CAPN5: variants seen among roughly 807,000 people sequenced by gnomAD.
CAPN5 encodes the protein calpain 5, also known as calpain-5.
A neutral mutation model predicts 73.0 loss-of-function variants in CAPN5; 54 were observed. The ratio of observed to expected loss-of-function variants is 0.74; its 90% CI spans 0.59 to 0.93. The LOEUF (loss-of-function observed/expected upper bound fraction) is 0.93, where lower values mean the gene tolerates loss of function less well. Among genes scored for constraint, CAPN5 ranks in the 40% least tolerant of loss-of-function variants. The pLI is 0.00. For missense variants in CAPN5, 785 were observed against 882.9 expected, an observed-to-expected ratio of 0.89 and a Z score of 1.41; for synonymous variants, 335 against 356.9, an observed-to-expected ratio of 0.94 and a Z score of 0.69.
chr11:77,097,464 G>GTTTTTT lies in CAPN5; in HGVS notation c.297+3671_297+3676dup, dbSNP rs58077755. On this transcript the variant is annotated intron_variant, in intron 3 of 12. Coordinates refer to ENST00000648180, the MANE Select transcript of CAPN5 (RefSeq NM_004055.5). ...AAGGGGTTTCCTGTGTTTCCTTCTA[G>GTTTTTT]TTTTTTTTTTTTTTTTTTTTTTTTT... Among the ~76,000 whole-genome samples, 751 of 79,602 alleles carry GTTTTTT rather than the reference G, an allele frequency of 9.4e-3. 8 individuals are homozygous for GTTTTTT. The highest frequency in any genetic ancestry group is 0.012 in the Non-Finnish European group (522 of 42,674). The allele number at this position is 79,602 out of a possible 152,430, so 52.2% of individuals were successfully genotyped here.
chr11:77,073,450 C>T (rs1949932580), intron 1 of CAPN5, among the ~76,000 whole-genome samples: 1 of 152,218 alleles, frequency 6.6e-6, no homozygotes, highest in African/African-American at 2.4e-5. Context: ...CTGGGCGGGA[C>T]CCAATTGCCA....
chr11:77,108,963 A>G (rs534055482), intron 3 of CAPN5, among the ~76,000 whole-genome samples: 1 of 152,210 alleles, frequency 6.6e-6, no homozygotes, highest in South Asian at 2.1e-4. Flanking sequence ...TTTGTCCTGT[A>G]GGGTTTCCCA....
Position 77,118,258 on chromosome 11 carries a change from G to A in CAPN5, c.1073G>A (p.Arg358Gln), listed in dbSNP as rs781886455. 98 of 1,613,970 alleles carry A rather than the reference G, an allele frequency of 6.1e-5. No individual in the cohort carries two copies. The highest frequency in any genetic ancestry group is 1.6e-4 in the Middle Eastern group (1 of 6,084). ...LSIHKTWEEA[R>Q]LHGAWTLHED... ...ATCCACAAGACGTGGGAGGAGGCCC[G>A]GCTGCATGGCGCCTGGACGCTGCAT... Residue 358 changes from arginine to glutamine, a missense_variant, in exon 8 of 13, where the codon CGG becomes CAG. By Grantham distance (43) the Arg-to-Gln change is conservative. Transcript: ENST00000648180.
chr11:77,079,590 T>C (rs1950008733), intron 1 of CAPN5, among the ~76,000 whole-genome samples: 1 of 152,236 alleles, frequency 6.6e-6, no homozygotes, highest in Admixed American at 6.5e-5. Flanking sequence ...ACTATTGCAA[T>C]AGACATTCTT....
intron 3 of CAPN5, among the ~76,000 whole-genome samples, chr11:77,100,038 C>T (rs934543552): frequency 6.6e-5 from 10 of 152,016 alleles, no homozygotes; most frequent in African/African-American, 1.2e-4. Context: ...GGTTTCACCA[C>T]GTTGGCCAGG....
In CAPN5 at chr11:77,113,740, G is replaced by A. The variant is rs184973137; in HGVS notation, c.507-502G>A. On this transcript the variant is annotated intron_variant, in intron 4 of 12. Transcript: ENST00000648180. ...AGTCTCCACCACCTGGATGCAGGTC[G>A]ACCCAGTGGCCTTGGTTGTTTTTTG... is the stretch of plus-strand genomic sequence containing the variant. 2.2e-3 allele frequency among the ~76,000 whole-genome samples: 83 copies of A among 36,956 alleles called. No individual in the cohort carries two copies. In the South Asian group the frequency reaches 0.027, roughly 12 times the overall value. 24.2% of individuals were successfully genotyped at this position (36,956 alleles called of 152,430 possible). A position where few individuals can be genotyped will look rare whatever the true frequency, so the allele number is the denominator to read the frequency against.
In CAPN5 at chr11:77,074,825, G is replaced by T. The variant is rs112623164; in HGVS notation, c.-36+7731G>T. 3.1e-3 allele frequency among the ~76,000 whole-genome samples: 475 copies of T among 152,290 alleles called. 1 individual carries two copies. Among genetic ancestry groups the T allele is most frequent in the Middle Eastern group, 0.017 (5 of 294 alleles). On this transcript the variant is annotated intron_variant, in intron 1 of 12. Transcript: ENST00000648180. ...CCACTGTGGGGTACGGGGCAGTGGA[G>T]CACAGGAGAAGGACCCTCAGCAGGC...
At chr11:77,122,488 C>A in intron 11 of CAPN5, 88 bp from the exon 12 acceptor site, 1 of 1,127,638 alleles carries the variant, frequency 8.9e-7, no homozygotes, top group Non-Finnish European at 1.3e-6. Context: ...AATAACTGAG[C>A]CGGGTGGGCA....
chr11:77,097,474 T>TTG (rs1950223037), intron 3 of CAPN5, among the ~76,000 whole-genome samples: 1 of 142,152 alleles, frequency 7.0e-6, no homozygotes, highest in African/African-American at 2.7e-5. Context: ...GTTTTTTTTT[T>TTG]TTTTTTTTTT....
In CAPN5 at chr11:77,123,827, T is replaced by C. The variant is rs782218442; in HGVS notation, c.1880T>C (p.Val627Ala). The change falls in exon 13 of 13, where the codon GTG (valine) becomes GCG (alanine). Residue 627 changes from valine to alanine, a missense_variant. Transcript: ENST00000648180. ...CAGCCCAGCAACCTGCCAGGCACTG[T>C]GGCCGTGCACATTCTCAGCAGCACC... Reference protein sequence around the residue: ...SRQPSNLPGTVAVHILSSTSL... With the variant: ...SRQPSNLPGTAAVHILSSTSL... The C allele has an allele frequency of 1.2e-6, 2 of 1,613,744 alleles. No individual in the cohort carries two copies. Among genetic ancestry groups the C allele is most frequent in the African/African-American group, 2.7e-5 (2 of 74,912 alleles).
chr11:77,093,597 A>G, intron 2 of CAPN5, 85 bp from the exon 3 acceptor site: 1 of 774,868 alleles, frequency 1.3e-6, no homozygotes, highest in Non-Finnish European at 1.8e-6. Context: ...TGTGTCTGTC[A>G]CGTCTGTGTC....
chr11:77,122,535 C>CCACCCCCCCCCACCCCCCCACACCCCCA, intron 11 of CAPN5, 41 bp from the exon 12 acceptor site: 1 of 1,255,176 alleles, frequency 8.0e-7, no homozygotes, highest in African/African-American at 1.5e-5. Flanking sequence ...GCCACAGCCC[C>CCACCCCCCCCCACCCCCCCACACCCCCA]CACCCCCACC....
chr11:77,123,086 G>A (rs1555043211), intron 12 of CAPN5, among the ~76,000 whole-genome samples: 1 of 152,238 alleles, frequency 6.6e-6, no homozygotes, highest in African/African-American at 2.4e-5. Context: ...TTTCCCAAGA[G>A]CCTTGGGCAG....
At chr11:77,098,817 G>A (rs1343760793) in intron 3 of CAPN5, among the ~76,000 whole-genome samples, 445 of 131,804 alleles carry the variant, frequency 3.4e-3, no homozygotes, top group African/African-American at 0.013. Flanking sequence ...GCGGCTGGCC[G>A]GGCGGGGGGC....
intron 3 of CAPN5, chr11:77,103,016 G>C: frequency 6.2e-7 from 1 of 1,613,646 alleles, no homozygotes; most frequent in Admixed American, 1.7e-5. Context: ...ACTTCACCCA[G>C]CAGCAGCGGC....
At chr11:77,072,102 CT>C (rs1407452721) in intron 1 of CAPN5, among the ~76,000 whole-genome samples, 13 of 152,236 alleles carry the variant, frequency 8.5e-5, no homozygotes, top group African/African-American at 3.1e-4. Flanking sequence ...TGCCTGAGTT[CT>C]TAGCCTGGCT....
At chr11:77,070,676 G>A (rs550081836) in intron 1 of CAPN5, among the ~76,000 whole-genome samples, 1 of 152,154 alleles carries the variant, frequency 6.6e-6, no homozygotes, top group South Asian at 2.1e-4. Flanking sequence ...TGCCACACTT[G>A]GTGGCTGAAA....
chr11:77,098,483 G>A (rs1950240768), intron 3 of CAPN5, among the ~76,000 whole-genome samples: 1 of 105,378 alleles, frequency 9.5e-6, no homozygotes, highest in Non-Finnish European at 1.9e-5. Context: ...CCCAGACGGG[G>A]CGGCTGGCCA....
chr11:77,086,823 A>G (rs549096951), intron 2 of CAPN5, among the ~76,000 whole-genome samples: 1 of 152,326 alleles, frequency 6.6e-6, no homozygotes, highest in Non-Finnish European at 1.5e-5. Flanking sequence ...TGGCGGGAGC[A>G]GGCTGGGCTT....
Sources: allele counts gnomAD v4.1 joint callset (sites outside exome capture counted in the v4.1 genomes callset), GRCh38; gene constraint gnomAD v4.1.1; transcripts MANE v1.5; gene names NCBI Gene and HGNC (gene_info 2026-07-23, HGNC 2026-07-21).